The following ASIC2 variants were observed in gnomAD, a reference collection of about 807,000 sequenced individuals.
ASIC2 encodes acid sensing ion channel subunit 2, also known as acid-sensing ion channel 2.
ASIC2 carries 25 observed loss-of-function variants against 57.3 expected under a neutral mutation model. The observed-to-expected ratio is 0.44, with a 90% CI of 0.32 to 0.61. The LOEUF (loss-of-function observed/expected upper bound fraction) is 0.61. Ranked by LOEUF, ASIC2 falls within the 20% of genes least tolerant of loss-of-function variation. The pLI is 0.06. For missense variants in ASIC2, 641 were observed against 738.1 expected (o/e 0.87, Z 1.52); for synonymous variants, 319 against 307.5 (o/e 1.04, Z -0.39).
chr17:33,429,961 A>G (rs1197345993), intron 1 of ASIC2, among the ~76,000 whole-genome samples: 1 of 152,110 alleles, frequency 6.6e-6, no homozygotes, highest in East Asian at 1.9e-4. Context: ...AGGAATCACT[A>G]CCTTCAAAAT....
At chr17:33,157,533 T>G (rs1171969298) in intron 1 of ASIC2, among the ~76,000 whole-genome samples, 2 of 152,214 alleles carry the variant, frequency 1.3e-5, no homozygotes, top group East Asian at 3.9e-4. Context: ...AACTACATCC[T>G]TATAGTTTCT....
At chr17:33,783,012 G>A (rs1239200784) in intron 1 of ASIC2, among the ~76,000 whole-genome samples, 1 of 152,108 alleles carries the variant, frequency 6.6e-6, no homozygotes, top group African/African-American at 2.4e-5. Context: ...CCCATGGCTG[G>A]TCCCTTCTTA....
At chr17:33,150,663 A>T (rs1383171975) in intron 1 of ASIC2, among the ~76,000 whole-genome samples, 2 of 150,232 alleles carry the variant, frequency 1.3e-5, no homozygotes, top group African/African-American at 4.9e-5. Flanking sequence ...AGCCTGGCTA[A>T]CATGGAGAAA....
At chr17:33,766,488 T>C (rs1410152109) in intron 1 of ASIC2, among the ~76,000 whole-genome samples, 1 of 152,160 alleles carries the variant, frequency 6.6e-6, no homozygotes, top group Non-Finnish European at 1.5e-5. Flanking sequence ...CCAGGAACAA[T>C]GGGCTTCAAA....
intron 3 of ASIC2, among the ~76,000 whole-genome samples, chr17:33,060,067 T>C (rs537487313): frequency 6.6e-5 from 10 of 152,372 alleles, no homozygotes; most frequent in African/African-American, 2.4e-4. Flanking sequence ...ATTAGCCTTT[T>C]GTCAGATGAG....
chr17:33,809,298 G>C (rs1176346426), intron 1 of ASIC2, among the ~76,000 whole-genome samples: 1 of 152,196 alleles, frequency 6.6e-6, no homozygotes, highest in African/African-American at 2.4e-5. Context: ...CCCCAGTGGA[G>C]TGTGTGTGTT....
intron 1 of ASIC2, among the ~76,000 whole-genome samples, chr17:33,134,716 C>T (rs558140431): frequency 6.6e-6 from 1 of 152,342 alleles, no homozygotes; most frequent in Admixed American, 6.5e-5. Context: ...TGGGTTGTCC[C>T]CGGGCTGGCC....
intron 1 of ASIC2, among the ~76,000 whole-genome samples, chr17:34,137,756 C>G (rs187484291): frequency 6.6e-6 from 1 of 152,058 alleles, no homozygotes. Flanking sequence ...GGTGAAGGCT[C>G]GTTTCCTGAT....
chr17:33,239,823 A>G (rs967927631), intron 1 of ASIC2, among the ~76,000 whole-genome samples: 1 of 152,220 alleles, frequency 6.6e-6, no homozygotes, highest in Non-Finnish European at 1.5e-5. Flanking sequence ...TGCTCCCTCC[A>G]TAAGTTTTCT....
At chr17:33,748,460 C>T (rs979169552) in intron 1 of ASIC2, among the ~76,000 whole-genome samples, 2 of 152,148 alleles carry the variant, frequency 1.3e-5, no homozygotes, top group Non-Finnish European at 2.9e-5. Flanking sequence ...ACAGGGCATT[C>T]GGGAGAAAGA....
chr17:34,047,424 A>C (rs1057084843), intron 1 of ASIC2, among the ~76,000 whole-genome samples: 1 of 141,038 alleles, frequency 7.1e-6, no homozygotes, highest in Non-Finnish European at 1.5e-5. Flanking sequence ...CTTCATCCCT[A>C]CTTCTAGCCA....
chr17:33,808,410 T>C (rs1579474), intron 1 of ASIC2, among the ~76,000 whole-genome samples: 20,222 of 152,248 alleles, frequency 0.13, 1,438 homozygotes, highest in East Asian at 0.19. Flanking sequence ...CAATACCACA[T>C]GTGTCTTAAT....
Position 34,100,184 on chromosome 17 carries a change from GTTTT to G in ASIC2, c.555+55790_555+55793del, listed in dbSNP as rs35700595. Among the ~76,000 whole-genome samples, 115 of 130,648 alleles carry G rather than the reference GTTTT, an allele frequency of 8.8e-4. No individual in the cohort carries two copies. The Middle Eastern group carries it at 0.027, about 30-fold the overall frequency. The allele number at this position is 130,648 out of a possible 152,430, so 85.7% of individuals were successfully genotyped here. On this transcript the variant is annotated intron_variant, in intron 1 of 9. Transcript: ENST00000359872. ...ATTTAACATTCTTCCTCTCTTTCTT[GTTTT>G]TTTTTTTTTTTTAAATCAATTGGTG...
At chr17:33,822,372 C>A (rs1413088657) in intron 1 of ASIC2, among the ~76,000 whole-genome samples, 1 of 152,094 alleles carries the variant, frequency 6.6e-6, no homozygotes, top group East Asian at 1.9e-4. Flanking sequence ...TCCGTGAGGA[C>A]CTTGTGGGAA....
At chr17:33,804,460 A>G (rs4795828) in intron 1 of ASIC2, among the ~76,000 whole-genome samples, 1 of 152,232 alleles carries the variant, frequency 6.6e-6, no homozygotes, top group Admixed American at 6.5e-5. Context: ...GAAAGTACCC[A>G]GTATATCGAT....
At chr17:33,851,081 A>C (rs899736696) in intron 1 of ASIC2, among the ~76,000 whole-genome samples, 20 of 152,324 alleles carry the variant, frequency 1.3e-4, no homozygotes, top group South Asian at 1.0e-3. Context: ...TCTAAAAGGC[A>C]GAGATCCCCA....
chr17:33,908,986 C>T (rs187315672), intron 1 of ASIC2, among the ~76,000 whole-genome samples: 1 of 152,296 alleles, frequency 6.6e-6, no homozygotes, highest in Admixed American at 6.5e-5. Flanking sequence ...ATTTCCTTGG[C>T]TCAGGATCAG....
chr17:33,013,900 T>C lies in ASIC2; in HGVS notation c.*65A>G, dbSNP rs2091791929. 2 of 1,383,680 alleles carry C rather than the reference T, an allele frequency of 1.4e-6. No homozygotes were observed. The highest frequency in any genetic ancestry group is 2.0e-5 in the Admixed American group (1 of 50,826). The allele number at this position is 1,383,680 out of a possible 1,614,324, so 85.7% of individuals were successfully genotyped here. ...GGGGCCATCCCACCTGAGCTTGCTG[T>C]TCCTTGTCCTGGGTCTTGGGCCTCA... is the stretch of plus-strand genomic sequence containing the variant. On this transcript the variant is annotated 3_prime_UTR_variant, in exon 10 of 10. Coordinates refer to ENST00000225823, the MANE Select transcript of ASIC2 (RefSeq NM_183377.2).
At chr17:33,508,165 C>A (rs1914322291) in intron 1 of ASIC2, among the ~76,000 whole-genome samples, 1 of 151,950 alleles carries the variant, frequency 6.6e-6, no homozygotes, top group Non-Finnish European at 1.5e-5. Context: ...CCGTCCTCTT[C>A]CCTCCATGCC....
Sources: allele counts gnomAD v4.1 joint callset (sites outside exome capture counted in the v4.1 genomes callset), GRCh38; gene constraint gnomAD v4.1.1; transcripts MANE v1.5; gene names NCBI Gene and HGNC (gene_info 2026-07-23, HGNC 2026-07-21).